TGFBR3: variants seen among roughly 807,000 people sequenced by gnomAD.
The protein encoded by TGFBR3 is transforming growth factor beta receptor type 3.
Under a neutral mutation model 87.9 loss-of-function variants are expected in TGFBR3, and 46 were observed. The ratio of observed to expected loss-of-function variants is 0.52; its 90% confidence interval spans 0.41 to 0.67. The LOEUF (loss-of-function observed/expected upper bound fraction) is 0.67, where lower values mean the gene tolerates loss of function less well. TGFBR3 is among the 30% of genes least tolerant of loss of function. The pLI is 0.00. For missense variants in TGFBR3, 866 were observed against 1,041.9 expected (o/e 0.83, Z 2.32); for synonymous variants, 381 against 391.6 (o/e 0.97, Z 0.32).
chr1:91,811,215 G>A (rs1676018652), intron 2 of TGFBR3, among the ~76,000 whole-genome samples: 1 of 152,202 alleles, frequency 6.6e-6, no homozygotes, highest in South Asian at 2.1e-4. Flanking sequence ...GGAGGCTGAG[G>A]TGGGAGAATC....
At chr1:91,714,938 C>G (rs1177787356) in intron 12 of TGFBR3, among the ~76,000 whole-genome samples, 2 of 152,228 alleles carry the variant, frequency 1.3e-5, no homozygotes, top group African/African-American at 4.8e-5. Flanking sequence ...ACATCTAGCG[C>G]CAGCGGGCTC....
chr1:91,707,670 G>T (rs1027327458), intron 14 of TGFBR3, among the ~76,000 whole-genome samples: 1 of 152,184 alleles, frequency 6.6e-6, no homozygotes, highest in Non-Finnish European at 1.5e-5. Context: ...GAGGCAGCCT[G>T]TAGCTCTAAT....
intron 16 of TGFBR3, among the ~76,000 whole-genome samples, chr1:91,684,130 A>G (rs1003270396): frequency 2.6e-5 from 4 of 152,184 alleles, no homozygotes; most frequent in Non-Finnish European, 5.9e-5. Flanking sequence ...AGTTGATGAC[A>G]AAGTCCCTGG....
intron 3 of TGFBR3, among the ~76,000 whole-genome samples, chr1:91,766,234 G>A (rs111976396): frequency 2.3e-3 from 245 of 107,748 alleles, no homozygotes; most frequent in African/African-American, 9.0e-3. Context: ...ACAGGGTCTT[G>A]CTATGTTGTC....
intron 2 of TGFBR3, among the ~76,000 whole-genome samples, chr1:91,844,734 G>GA (rs1377614697): frequency 6.6e-6 from 1 of 152,130 alleles, no homozygotes; most frequent in African/African-American, 2.4e-5. Flanking sequence ...ACCTAACTGG[G>GA]ATATACAAGT....
Position 91,723,991 on chromosome 1 carries a change from A to G in TGFBR3, c.886-1847T>C, listed in dbSNP as rs533674550. Among the ~76,000 whole-genome samples the G allele has an allele frequency of 8.9e-4, 136 of 152,200 alleles. 1 individual carries two copies. Among genetic ancestry groups the G allele is most frequent in the Admixed American group, 1.6e-3 (25 of 15,282 alleles). ...TGTGGGATATTGGCTGAAGCCACAT[A>G]TATTTCAACTCAAATCTTAAAGGAT... On this transcript the variant is annotated intron_variant, in intron 7 of 16. Transcript: ENST00000212355.
At chr1:91,816,245 C>A (rs1044483735) in intron 2 of TGFBR3, among the ~76,000 whole-genome samples, 1 of 152,122 alleles carries the variant, frequency 6.6e-6, no homozygotes, top group African/African-American at 2.4e-5. Context: ...AAGAAAACAA[C>A]CCATCTCAAA....
intron 2 of TGFBR3, among the ~76,000 whole-genome samples, chr1:91,822,720 A>G (rs1387752213): frequency 3.3e-5 from 5 of 152,174 alleles, no homozygotes; most frequent in Non-Finnish European, 7.3e-5. Context: ...TGAGTCTAGG[A>G]GTTCGAGACC....
intron 14 of TGFBR3, among the ~76,000 whole-genome samples, chr1:91,700,891 C>G (rs566172362): frequency 6.6e-6 from 1 of 152,264 alleles, no homozygotes; most frequent in Admixed American, 6.5e-5. Flanking sequence ...CCTTTCAAGA[C>G]GTAGTATTTG....
At chr1:91,888,016 C>CAT (rs1679371562), upstream of TGFBR3, among the ~76,000 whole-genome samples, 1 of 152,084 alleles carries the variant, frequency 6.6e-6, no homozygotes, top group Non-Finnish European at 1.5e-5. Context: ...TTGTAAGTCC[C>CAT]ACAATCCCCA....
At chr1:91,844,506 A>G (rs1677402179) in intron 2 of TGFBR3, among the ~76,000 whole-genome samples, 1 of 152,366 alleles carries the variant, frequency 6.6e-6, no homozygotes, top group South Asian at 2.1e-4. Flanking sequence ...TACCATGTTC[A>G]TGAATAGCAA....
chr1:91,804,733 C>T (rs1331588159), intron 2 of TGFBR3, among the ~76,000 whole-genome samples: 1 of 152,240 alleles, frequency 6.6e-6, no homozygotes, highest in Non-Finnish European at 1.5e-5. Flanking sequence ...CATCTGCTCA[C>T]TTTTGTGGTG....
intron 2 of TGFBR3, among the ~76,000 whole-genome samples, chr1:91,826,837 C>T (rs1367224766): frequency 1.3e-5 from 2 of 151,950 alleles, no homozygotes; most frequent in Admixed American, 6.5e-5. Flanking sequence ...AGGAGTTCCA[C>T]GGGTCTCATT....
chr1:91,695,777 T>G lies in TGFBR3; in HGVS notation c.2332A>C (p.Ile778Leu), dbSNP rs1305985022. The G allele has an allele frequency of 6.2e-7, 1 of 1,613,872 alleles. No homozygotes were observed. Among genetic ancestry groups the G allele is most frequent in the East Asian group, 2.2e-5 (1 of 44,886 alleles). ...GTTAGGGTGTCCAGACCATGGAAAA[T>G]TGCTATAAAGGAGAGAAACCGATAC... ...MKEPNPISPP[I>L]FHGLDTLTVM... The change falls in exon 16 of 17, where the codon ATT (isoleucine) becomes CTT (leucine). Residue 778 changes from isoleucine (I) to leucine (L), a missense_variant and splice_region_variant. By Grantham distance (5) the Ile-to-Leu change is conservative. Coordinates refer to ENST00000212355, the MANE Select transcript of TGFBR3 (RefSeq NM_003243.5).
chr1:91,781,412 T>A (rs1317621531), intron 3 of TGFBR3, among the ~76,000 whole-genome samples: 1 of 152,212 alleles, frequency 6.6e-6, no homozygotes, highest in East Asian at 1.9e-4. Context: ...GAGTACTGCC[T>A]ACAAGGAACA....
At chr1:91,894,748 G>A (rs1245733123) in intron 2 of TGFBR3, among the ~76,000 whole-genome samples, 1 of 152,174 alleles carries the variant, frequency 6.6e-6, no homozygotes, top group Non-Finnish European at 1.5e-5. Flanking sequence ...CCAAGGCAAT[G>A]TCCTTGGTCC....
chr1:91,770,707 CCT>C (rs573251831), intron 3 of TGFBR3: 5 of 152,166 alleles, frequency 3.3e-5, no homozygotes, highest in African/African-American at 4.8e-5. Flanking sequence ...ATCCTTCAGA[CCT>C]CTGTTATGTT....
At chr1:91,857,166 G>C (rs986014476) in intron 2 of TGFBR3, among the ~76,000 whole-genome samples, 8 of 152,132 alleles carry the variant, frequency 5.3e-5, no homozygotes, top group African/African-American at 1.9e-4. Context: ...TGAGGCCACC[G>C]TTTGAATTCC....
intron 12 of TGFBR3, among the ~76,000 whole-genome samples, chr1:91,713,729 A>C (rs1437914379): frequency 6.6e-6 from 1 of 152,226 alleles, no homozygotes. Flanking sequence ...TGATAATGTC[A>C]CTGTGGTGAC....
Sources: allele counts gnomAD v4.1 joint callset (sites outside exome capture counted in the v4.1 genomes callset), GRCh38; gene constraint gnomAD v4.1.1; transcripts MANE v1.5; gene names NCBI Gene and HGNC (gene_info 2026-07-23, HGNC 2026-07-21).